Variants in TRPV1 observed in about 807,000 individuals in gnomAD.
The protein encoded by TRPV1 is OTRPC1.
Under a neutral mutation model 82.3 loss-of-function variants are expected in TRPV1, and 82 were observed. That is an observed-to-expected ratio of 1.00 (90% CI 0.83 to 1.20). The LOEUF (loss-of-function observed/expected upper bound fraction) is 1.20, where lower values mean the gene tolerates loss of function less well. TRPV1 is among the 50% of genes most tolerant of loss of function. TRPV1 has a pLI of 0.00. For synonymous variants in TRPV1, 515 were observed against 467.7 expected (o/e 1.10, Z -1.30); for missense variants, 1,067 against 1,096.8 (o/e 0.97, Z 0.38).
chr17:3,577,527 C>T (rs1294642081), intron 12 of TRPV1, 71 bp downstream of exon 12: 7 of 1,507,222 alleles, frequency 4.6e-6, no homozygotes, highest in Non-Finnish European at 5.4e-6. Context: ...GGGCGGAGTT[C>T]TTGGCCCCAT....
intron 16 of TRPV1, among the ~76,000 whole-genome samples, chr17:3,567,697 G>A (rs184388357): frequency 1.1e-4 from 16 of 151,484 alleles, no homozygotes; most frequent in South Asian, 4.2e-4. Context: ...TCTGGGTGAC[G>A]AGCACCAGCC....
intron 2 of TRPV1, among the ~76,000 whole-genome samples, chr17:3,595,212 C>T (rs2075208263): frequency 6.6e-6 from 1 of 152,180 alleles, no homozygotes. Context: ...CGCATTCCTT[C>T]ACCCACTTCA....
At chr17:3,598,410 G>C (rs930306874) in intron 2 of TRPV1, among the ~76,000 whole-genome samples, 1 of 152,158 alleles carries the variant, frequency 6.6e-6, no homozygotes, top group African/African-American at 2.4e-5. Context: ...GGAGGGCAGA[G>C]ACTGTCATAC....
At chr17:3,576,544 C>T (rs905915477) in intron 13 of TRPV1, among the ~76,000 whole-genome samples, 4 of 147,832 alleles carry the variant, frequency 2.7e-5, no homozygotes, top group South Asian at 2.2e-4. Context: ...CCCAGGTACT[C>T]GGGAGGCTGA....
chr17:3,588,821 A>AC (rs998499851), intron 7 of TRPV1: 192 of 1,305,906 alleles, frequency 1.5e-4, no homozygotes, highest in Admixed American at 6.7e-4. Context: ...TCTAAAAAAA[A>AC]AAAAAAAAAC....
At chr17:3,578,754 TAGCAA>T (rs1209007991) in intron 11 of TRPV1, 1 of 152,120 alleles carries the variant, frequency 6.6e-6, no homozygotes, top group African/African-American at 2.4e-5. Flanking sequence ...CTATTCACAA[TAGCAA>T]AGCATGGAAT....
At position 3,590,006 on chromosome 17, in the gene TRPV1, T is replaced by A; in HGVS notation, c.845A>T (p.Asp282Val). The change falls in exon 7 of 17, where the codon GAC becomes GTC. Residue 282 changes from aspartate (D) to valine (V), a missense_variant. By Grantham distance (152) the Asp-to-Val change is radical (BLOSUM62 -3). Transcript: ENST00000572705. ...GTGCAGCACCGTGTTGCCCACCGAG[T>A]CCCTGGCGCTGATGTCGGCCGTCTG... ...SWQTADISAR[D>V]SVGNTVLHAL... 1 of 1,562,080 alleles carries A rather than the reference T, an allele frequency of 6.4e-7. No homozygotes were observed. The highest frequency in any genetic ancestry group is 8.7e-7 in the Non-Finnish European group (1 of 1,153,964).
rs1451768032 is a variant in TRPV1 at position 3,577,691 on chromosome 17, G to T, written c.1620C>A (p.Ser540=). ...AGCCCAAGGCCAGGGAGAATACCAT[G>T]GAAGCCACATACTCCTTGAGGTGGC... ...YFSHLKEYVA[S]MVFSLALGWT... is the part of the protein sequence containing the mutation. Residue 540 remains serine (S), a synonymous_variant, in exon 12 of 17, where the codon TCC becomes TCA. Transcript: ENST00000572705. The T allele has an allele frequency of 3.8e-6, 6 of 1,589,054 alleles. No homozygotes were observed. The Admixed American group carries it at 7.2e-5, about 19-fold the overall frequency.
chr17:3,571,696 G>C, intron 15 of TRPV1, 57 bp from the exon 16 acceptor site: 1 of 1,428,678 alleles, frequency 7.0e-7, no homozygotes. Context: ...CCGGGCCAAG[G>C]GCTCTGCCCA....
intron 9 of TRPV1, among the ~76,000 whole-genome samples, chr17:3,583,636 C>A (rs1426853575): frequency 1.3e-5 from 2 of 152,256 alleles, no homozygotes; most frequent in African/African-American, 2.4e-5. Context: ...CCTGCAGGTG[C>A]CAAGCGGAGC....
chr17:3,575,343 C>T (rs996180498), intron 13 of TRPV1, among the ~76,000 whole-genome samples: 5 of 151,872 alleles, frequency 3.3e-5, no homozygotes, highest in African/African-American at 9.7e-5. Context: ...ATTAGCCGGG[C>T]GTGATGATGG....
chr17:3,582,033 A>G (rs1330290458), intron 10 of TRPV1, among the ~76,000 whole-genome samples: 2 of 146,050 alleles, frequency 1.4e-5, no homozygotes, highest in Non-Finnish European at 3.0e-5. Context: ...TACTAAAAAT[A>G]CAAAAAATTA....
chr17:3,595,980 G>A (rs1287336142), intron 2 of TRPV1: 1 of 152,214 alleles, frequency 6.6e-6, no homozygotes, highest in Non-Finnish European at 1.5e-5. Flanking sequence ...CTAAGCCCGT[G>A]GTGATGCACC....
chr17:3,583,451 G>A (rs767801575), intron 9 of TRPV1, 21 bp from the exon 10 acceptor site: 71 of 1,560,796 alleles, frequency 4.5e-5, no homozygotes, highest in Non-Finnish European at 6.1e-5. Flanking sequence ...CAGAGAAGTT[G>A]GTAACTCCAT....
intron 10 of TRPV1, among the ~76,000 whole-genome samples, chr17:3,582,189 CAAAAAAAAAA>C (rs71153376): frequency 3.9e-5 from 1 of 25,902 alleles, no homozygotes; most frequent in Non-Finnish European, 7.3e-5. Context: ...GACTCCATCT[CAAAAAAAAAA>C]AAAAAAAAAA....
chr17:3,582,050 C>G (rs528375438), intron 10 of TRPV1, among the ~76,000 whole-genome samples: 2 of 147,836 alleles, frequency 1.4e-5, no homozygotes, highest in African/African-American at 5.0e-5. Flanking sequence ...ATTAGCCGGG[C>G]GTGGTGGCGG....
intron 2 of TRPV1, chr17:3,601,999 T>G (rs917942283): frequency 6.6e-6 from 1 of 152,088 alleles, no homozygotes; most frequent in Non-Finnish European, 1.5e-5. Context: ...GTAATGGCTG[T>G]GAATATGTGT....
In TRPV1 at chr17:3,589,906, C is replaced by G. The variant is rs222747; in HGVS notation, c.945G>C (p.Met315Ile). ...GCGTCGGGTGCAGTTTGGCCCCCAG[C>G]ATCAGAATCTCATTGTACATGCTCG... Reference protein sequence around the residue: ...FVTSMYNEILMLGAKLHPTLK... With the variant: ...FVTSMYNEILILGAKLHPTLK... The change falls in exon 7 of 17, where the codon ATG becomes ATC. Residue 315 changes from methionine (M) to isoleucine (I), a missense_variant. Transcript: ENST00000572705. The G allele has an allele frequency of 0.75, 1,198,817 of 1,598,084 alleles. 452,995 individuals are homozygous for G. The highest frequency in any genetic ancestry group is 0.88 in the African/African-American group (65,897 of 74,586).
At chr17:3,582,945 T>G (rs1213586328) in intron 10 of TRPV1, among the ~76,000 whole-genome samples, 1 of 86,754 alleles carries the variant, frequency 1.2e-5, no homozygotes, top group African/African-American at 3.2e-5. Context: ...AAACTCCACC[T>G]CAAAAAAAAA....
Sources: gnomAD v4.1 joint callset for allele counts (sites outside exome capture counted in the v4.1 genomes callset) on GRCh38, gnomAD v4.1.1 for gene constraint, MANE v1.5 for transcripts, NCBI Gene and HGNC (gene_info 2026-07-23, HGNC 2026-07-21) for gene names.